Variants in FAM110C observed in about 807,000 individuals in gnomAD.
FAM110C encodes the protein family with sequence similarity 110 member C.
FAM110C carries 19 observed loss-of-function variants against 15.7 expected under a neutral mutation model. The ratio of observed to expected loss-of-function variants is 1.21; its 90% CI spans 0.85 to 1.78. The LOEUF (loss-of-function observed/expected upper bound fraction) is 1.78, where lower values mean the gene tolerates loss of function less well. FAM110C is among the 40% of genes most tolerant of loss of function. The pLI is 0.00. For synonymous variants in FAM110C, 275 were observed against 233.9 expected, an observed-to-expected ratio of 1.18 and a Z score of -1.61; for missense variants, 547 against 495.7, an observed-to-expected ratio of 1.10 and a Z score of -0.98.
In FAM110C at chr2:45,484, T is replaced by C; in HGVS notation, c.902A>G (p.Lys301Arg). 6.2e-7 allele frequency: 1 copy of C among 1,614,058 alleles called. No individual in the cohort carries two copies. Among genetic ancestry groups the C allele is most frequent in the Non-Finnish European group, 8.5e-7 (1 of 1,179,962 alleles). Residue 301 changes from lysine to arginine, a missense_variant, in exon 1 of 2, where the codon AAG becomes AGG. Coordinates refer to ENST00000327669, the MANE Select transcript of FAM110C (RefSeq NM_001077710.3). ...CTGGCTGGGGGTCTCCTTGGCCTTC[T>C]TACAGGTGTACAGCCACTTGATGAT... ...ARIIKWLYTC[K>R]KAKETPSQEQ...
At chr2:45,048 G>A in intron 1 of FAM110C, 1 of 985,418 alleles carries the variant, frequency 1.0e-6, no homozygotes, top group Non-Finnish European at 1.2e-6. Flanking sequence ...ATGAACTCAG[G>A]AACTAGGGCT....
At position 40,353 on chromosome 2, in the gene FAM110C, A is replaced by C. The variant is rs1664091089; in HGVS notation, c.*1255T>G. 1 of 152,214 alleles carries C rather than the reference A, an allele frequency of 6.6e-6. No homozygotes were observed. The highest frequency in any genetic ancestry group is 2.1e-4 in the South Asian group (1 of 4,828). 9.4% of individuals were successfully genotyped at this position (152,214 alleles called of 1,614,324 possible). On this transcript the variant is annotated 3_prime_UTR_variant, in exon 2 of 2. Coordinates refer to ENST00000327669, the MANE Select transcript of FAM110C (RefSeq NM_001077710.3). ...AAATGGTTAACAAAATATCATATCA[A>C]TGAGAAACCCATTTCTCTCCCCTCC...
In FAM110C at chr2:40,674, G is replaced by C. The variant is rs1419514075; in HGVS notation, c.*934C>G. Reference sequence around the variant, plus strand: ...ACGTCATATGTGGAGGTGTGAGTCAGATCAAAGGGCAGGGAAGAGGTCCTG... The same window carrying C: ...ACGTCATATGTGGAGGTGTGAGTCACATCAAAGGGCAGGGAAGAGGTCCTG... On this transcript the variant is annotated 3_prime_UTR_variant, in exon 2 of 2. Transcript: ENST00000327669. 1.3e-5 allele frequency: 2 copies of C among 152,194 alleles called. No individual in the cohort carries two copies. The highest frequency in any genetic ancestry group is 2.9e-5 in the Non-Finnish European group (2 of 68,040). The allele number at this position is 152,194 out of a possible 1,614,324, so 9.4% of individuals were successfully genotyped here. A position where few individuals can be genotyped will look rare whatever the true frequency, so the allele number is the denominator to read the frequency against.
At chr2:43,775 C>T (rs1032383039) in intron 1 of FAM110C, 13 of 985,290 alleles carry the variant, frequency 1.3e-5, no homozygotes, top group Non-Finnish European at 1.6e-5. Context: ...CATGCTATGG[C>T]TACCTGGAGG....
chr2:42,079 G>C (rs1339243427), intron 1 of FAM110C: 80 of 985,270 alleles, frequency 8.1e-5, no homozygotes, highest in Non-Finnish European at 9.4e-5. Flanking sequence ...CACACGACAG[G>C]GAAGAGTGGC....
Position 45,927 on chromosome 2 carries a change from CG to C in FAM110C, c.458del (p.Pro153ArgfsTer40). ...GGTCCGCCGCGGGGCCAGGAGTGGTCGGGACCGTCTCCGGGTTCCCGGCCTT... is the reference window on the plus strand; with the variant it reads ...GGTCCGCCGCGGGGCCAGGAGTGGTCGGACCGTCTCCGGGTTCCCGGCCTT... Reference protein sequence around the residue: ...EGKAGNPETVPTTPGPAADPA... With the variant: ...EGKAGNPETVXTTPGPAADPA... On this transcript the variant is annotated frameshift_variant, in exon 1 of 2. Transcript: ENST00000327669. LOFTEE classifies it high-confidence loss of function. 1 of 1,415,214 alleles carries C rather than the reference CG, an allele frequency of 7.1e-7. No individual in the cohort carries two copies. The highest frequency in any genetic ancestry group is 9.1e-7 in the Non-Finnish European group (1 of 1,095,872). 87.7% of individuals were successfully genotyped at this position (1,415,214 alleles called of 1,614,324 possible).
chr2:44,289 T>C, intron 1 of FAM110C: 1 of 985,182 alleles, frequency 1.0e-6, no homozygotes, highest in Non-Finnish European at 1.2e-6. Flanking sequence ...AGAAAAAGAA[T>C]GAATTATCTT....
At chr2:42,954 G>C (rs910658486) in intron 1 of FAM110C, 1 of 985,318 alleles carries the variant, frequency 1.0e-6, no homozygotes, top group African/African-American at 1.7e-5. Context: ...GACTTCTGCA[G>C]GAAGTCAGAG....
At position 45,445 on chromosome 2, in the gene FAM110C, G is replaced by A. The variant is rs773124370; in HGVS notation, c.941C>T (p.Thr314Ile). 1.9e-6 allele frequency: 3 copies of A among 1,608,560 alleles called. No individual in the cohort carries two copies. The South Asian group carries it at 3.3e-5, about 18-fold the overall frequency. The change falls in exon 1 of 2, where the codon ACC becomes ATC. Residue 314 changes from threonine (T) to isoleucine (I), a missense_variant. Transcript: ENST00000327669. ...KETPSQEQSR[T>I]RGSKPSR ...CCAGCCTTCTGGGCACACACCTCGG[G>A]TCCGGCTCTGCTCCTGGCTGGGGGT...
intron 1 of FAM110C, chr2:44,164 T>G: frequency 1.0e-6 from 1 of 985,482 alleles, no homozygotes; most frequent in Non-Finnish European, 1.2e-6. Context: ...AATTAATGTT[T>G]GTTTGCTTTT....
At chr2:44,849 C>A in intron 1 of FAM110C, 1 of 985,408 alleles carries the variant, frequency 1.0e-6, no homozygotes. Context: ...AAATAAAGAT[C>A]TTTGTTGCTA....
At chr2:41,930 G>C (rs930332208) in intron 1 of FAM110C, 2 of 985,224 alleles carry the variant, frequency 2.0e-6, no homozygotes, top group Admixed American at 1.2e-4. Flanking sequence ...TTCTTTACAT[G>C]TTGGTAAGGC....
chr2:43,553 G>A (rs1185692920), intron 1 of FAM110C: 14 of 985,214 alleles, frequency 1.4e-5, no homozygotes, highest in Non-Finnish European at 1.7e-5. Flanking sequence ...AGCCTAAAAG[G>A]TCTTTAGGAT....
intron 1 of FAM110C, chr2:43,140 C>T (rs1184140326): frequency 2.0e-6 from 2 of 985,336 alleles, no homozygotes; most frequent in Non-Finnish European, 2.4e-6. Context: ...ATACACCCCA[C>T]CCCTGGTAGC....
rs760754737 is a variant in FAM110C at position 45,469 on chromosome 2, G to A, written c.917C>T (p.Thr306Ile). 6 of 1,613,150 alleles carry A rather than the reference G, an allele frequency of 3.7e-6. No homozygotes were observed. The Admixed American group carries it at 5.0e-5, about 13-fold the overall frequency. The change falls in exon 1 of 2, where the codon ACC becomes ATC. Residue 306 changes from threonine (T) to isoleucine (I), a missense_variant. Transcript: ENST00000327669. Reference sequence around the variant, plus strand: ...GGTCCGGCTCTGCTCCTGGCTGGGGGTCTCCTTGGCCTTCTTACAGGTGTA... The same window carrying A: ...GGTCCGGCTCTGCTCCTGGCTGGGGATCTCCTTGGCCTTCTTACAGGTGTA... ...WLYTCKKAKE[T>I]PSQEQSRTRG...
chr2:44,634 A>G, intron 1 of FAM110C: 1 of 985,416 alleles, frequency 1.0e-6, no homozygotes, highest in African/African-American at 1.7e-5. Flanking sequence ...AAGAGCAGGT[A>G]ACAGTGAAGA....
chr2:43,320 T>G, intron 1 of FAM110C: 1 of 985,378 alleles, frequency 1.0e-6, no homozygotes, highest in Non-Finnish European at 1.2e-6. Context: ...AATGTGAAAC[T>G]TCTCAGAAGA....
intron 1 of FAM110C, chr2:44,355 A>G (rs900855692): frequency 2.0e-6 from 2 of 985,190 alleles, no homozygotes; most frequent in Non-Finnish European, 2.4e-6. Flanking sequence ...ATTATTGGAG[A>G]TATTTTTAGC....
At chr2:42,106 C>A (rs1664141962) in intron 1 of FAM110C, 1 of 985,278 alleles carries the variant, frequency 1.0e-6, no homozygotes, top group South Asian at 4.7e-5. Context: ...GCTACTCAAG[C>A]CACGTGTTTA....
Sources: allele counts gnomAD v4.1 joint callset, GRCh38; gene constraint gnomAD v4.1.1; transcripts MANE v1.5; gene names NCBI Gene and HGNC (gene_info 2026-07-23, HGNC 2026-07-21).